HS6ST3: variants seen among roughly 807,000 people sequenced by gnomAD.
The protein encoded by HS6ST3 is heparan sulfate 6-O-sulfotransferase 3.
A neutral mutation model predicts 36.7 loss-of-function variants in HS6ST3; 12 were observed. The ratio of observed to expected loss-of-function variants is 0.33; its 90% CI spans 0.21 to 0.53. HS6ST3 has a LOEUF of 0.53. Among genes scored for constraint, HS6ST3 ranks in the 20% least tolerant of loss-of-function variants. The pLI is 0.95. For synonymous variants in HS6ST3, 240 were observed against 257.5 expected (o/e 0.93, Z 0.65); for missense variants, 584 against 640.9 (o/e 0.91, Z 0.96).
At chr13:96,583,811 C>G (rs2056351052) in intron 1 of HS6ST3, among the ~76,000 whole-genome samples, 1 of 152,046 alleles carries the variant, frequency 6.6e-6, no homozygotes, top group African/African-American at 2.4e-5. Flanking sequence ...CCCCTGATCA[C>G]TCTTATCTAA....
At position 96,600,064 on chromosome 13, in the gene HS6ST3, T is replaced by C. The variant is rs114504808; in HGVS notation, c.708-232426T>C. ...TTTGTGGCTTATCATATGGTCTATGTTGGAAAATGCACCATGCGCTGATGA... is the reference window on the plus strand; with the variant it reads ...TTTGTGGCTTATCATATGGTCTATGCTGGAAAATGCACCATGCGCTGATGA... On this transcript the variant is annotated intron_variant, in intron 1 of 1. Transcript: ENST00000376705. Among the ~76,000 whole-genome samples, 861 of 152,210 alleles carry C rather than the reference T, an allele frequency of 5.7e-3. 5 individuals are homozygous for C. Among genetic ancestry groups the C allele is most frequent in the African/African-American group, 0.02 (813 of 41,530 alleles).
intron 1 of HS6ST3, among the ~76,000 whole-genome samples, chr13:96,549,196 C>T (rs1032331072): frequency 1.3e-5 from 2 of 152,062 alleles, no homozygotes; most frequent in African/African-American, 4.8e-5. Flanking sequence ...CTGACCAGAC[C>T]TCCCTTTTTT....
intron 1 of HS6ST3, among the ~76,000 whole-genome samples, chr13:96,623,740 T>G (rs1292245434): frequency 2.6e-5 from 4 of 152,306 alleles, no homozygotes; most frequent in African/African-American, 9.6e-5. Flanking sequence ...TGGTGTTACC[T>G]TCCCCAGTGG....
In HS6ST3 at chr13:96,091,293, G is replaced by A; in HGVS notation, c.431G>A (p.Gly144Glu). 6.2e-7 allele frequency: 1 copy of A among 1,613,676 alleles called. No homozygotes were observed. The change falls in exon 1 of 2, where the codon GGG (glycine) becomes GAG (glutamate). Residue 144 changes from glycine to glutamate, a missense_variant. Physicochemically the swap from Gly to Glu is moderately conservative, Grantham distance 98. This residue lies in a region of HS6ST3 where 7 missense variants were observed against 24.2 expected (regional missense o/e 0.29). Transcript: ENST00000376705. ...LTRFVDFNIK[G>E]RDVIVFLHIQ... ...CGCTTCGTGGATTTCAACATCAAAGGGCGCGACGTGATCGTGTTCCTCCAC... is the reference window on the plus strand; with the variant it reads ...CGCTTCGTGGATTTCAACATCAAAGAGCGCGACGTGATCGTGTTCCTCCAC...
intron 1 of HS6ST3, among the ~76,000 whole-genome samples, chr13:96,298,293 C>T (rs561902401): frequency 5.3e-5 from 8 of 152,230 alleles, no homozygotes; most frequent in Middle Eastern, 3.4e-3. Flanking sequence ...GATGCGTATG[C>T]ACTCAGATAA....
At chr13:96,279,734 A>G (rs545820068) in intron 1 of HS6ST3, among the ~76,000 whole-genome samples, 1 of 152,134 alleles carries the variant, frequency 6.6e-6, no homozygotes, top group African/African-American at 2.4e-5. Flanking sequence ...TGTCTTTTGC[A>G]CATCACATAA....
chr13:96,477,620 A>G (rs188473204), intron 1 of HS6ST3, among the ~76,000 whole-genome samples: 389 of 152,324 alleles, frequency 2.6e-3, no homozygotes, highest in African/African-American at 9.1e-3. Context: ...CTGTAATCCC[A>G]GCACTTTGGA....
intron 1 of HS6ST3, among the ~76,000 whole-genome samples, chr13:96,204,254 G>A (rs1056051423): frequency 1.8e-4 from 27 of 152,022 alleles, no homozygotes; most frequent in African/African-American, 6.5e-4. Flanking sequence ...AACAGACAAA[G>A]AAGAGCATAA....
chr13:96,765,576 C>A (rs1029658696), intron 1 of HS6ST3, among the ~76,000 whole-genome samples: 1 of 142,602 alleles, frequency 7.0e-6, no homozygotes, highest in South Asian at 2.3e-4. Context: ...GAGATGTATG[C>A]GCTCTCTCTC....
chr13:96,657,263 T>C (rs655661), intron 1 of HS6ST3, among the ~76,000 whole-genome samples: 149,627 of 152,182 alleles, frequency 0.98, 73,603 homozygotes, highest in East Asian at 1. Context: ...ACTCATTCAC[T>C]TTTACGATGC....
chr13:96,322,352 C>T lies in HS6ST3; in HGVS notation c.707+230783C>T, dbSNP rs551331482. The stretch of plus-strand genomic sequence containing the variant: ...TTGAGCTCATGAGTTTGAGACCAGC[C>T]TGGGCAACATGGAGAAATCCCATCT... On this transcript the variant is annotated intron_variant, in intron 1 of 1. Transcript: ENST00000376705. 1.8e-4 allele frequency among the ~76,000 whole-genome samples: 27 copies of T among 148,228 alleles called. No homozygotes were observed. The East Asian group carries it at 5.0e-3, about 28-fold the overall frequency.
chr13:96,642,445 T>C (rs2056573654), intron 1 of HS6ST3, among the ~76,000 whole-genome samples: 1 of 151,908 alleles, frequency 6.6e-6, no homozygotes, highest in South Asian at 2.1e-4. Context: ...TTTGGAAGTT[T>C]CTGCCATTAC....
intron 1 of HS6ST3, among the ~76,000 whole-genome samples, chr13:96,757,102 G>T (rs2138496931): frequency 6.6e-6 from 1 of 152,180 alleles, no homozygotes; most frequent in South Asian, 2.1e-4. Flanking sequence ...CTTTCTTTTT[G>T]GCTATAGAAT....
intron 1 of HS6ST3, among the ~76,000 whole-genome samples, chr13:96,567,580 T>C (rs950302275): frequency 6.6e-6 from 1 of 152,154 alleles, no homozygotes; most frequent in Non-Finnish European, 1.5e-5. Flanking sequence ...ACACACCCTC[T>C]TTAAAAGAAC....
At chr13:96,702,165 G>C (rs754977246) in intron 1 of HS6ST3, among the ~76,000 whole-genome samples, 1 of 152,142 alleles carries the variant, frequency 6.6e-6, no homozygotes, top group Non-Finnish European at 1.5e-5. Context: ...GGCAACATTG[G>C]GTTATGGTTT....
At chr13:96,708,446 C>T (rs539168418) in intron 1 of HS6ST3, among the ~76,000 whole-genome samples, 1 of 152,280 alleles carries the variant, frequency 6.6e-6, no homozygotes, top group African/African-American at 2.4e-5. Context: ...AATCGTCTTA[C>T]AGAGGGAGGT....
In HS6ST3 at chr13:96,136,989, C is replaced by G. The variant is rs140874186; in HGVS notation, c.707+45420C>G. Among the ~76,000 whole-genome samples the G allele has an allele frequency of 6.1e-3, 926 of 152,116 alleles. 3 individuals are homozygous for G. Among genetic ancestry groups the G allele is most frequent in the Non-Finnish European group, 0.011 (724 of 67,980 alleles). The stretch of plus-strand genomic sequence containing the variant: ...ATTGGAATCATTTTAGAGCTAAACC[C>G]TTAGCTTTCTAGAGACTTATTTTAT... On this transcript the variant is annotated intron_variant, in intron 1 of 1. Transcript: ENST00000376705.
intron 1 of HS6ST3, among the ~76,000 whole-genome samples, chr13:96,300,975 T>C (rs2054879086): frequency 6.6e-6 from 1 of 152,172 alleles, no homozygotes; most frequent in Non-Finnish European, 1.5e-5. Flanking sequence ...ATTTGCCTTA[T>C]CTGGGCAATG....
chr13:96,357,614 G>A (rs781644405), intron 1 of HS6ST3, among the ~76,000 whole-genome samples: 1 of 152,130 alleles, frequency 6.6e-6, no homozygotes, highest in African/African-American at 2.4e-5. Flanking sequence ...CCAGGCTAGA[G>A]TGCAGTGGTG....
Sources: allele counts gnomAD v4.1 joint callset (sites outside exome capture counted in the v4.1 genomes callset), GRCh38; gene constraint gnomAD v4.1.1; regional missense constraint gnomAD v4.1.1; transcripts MANE v1.5; gene names NCBI Gene and HGNC (gene_info 2026-07-23, HGNC 2026-07-21).